The following ZBTB24 variants were observed in gnomAD, a reference collection of about 807,000 sequenced individuals.
The protein encoded by ZBTB24 is zinc finger and BTB domain-containing protein 24.
Under a neutral mutation model 53.8 loss-of-function variants are expected in ZBTB24, and 32 were observed. The ratio of observed to expected loss-of-function variants is 0.60; its 90% CI spans 0.45 to 0.80. The LOEUF is 0.80. Among genes scored for constraint, ZBTB24 ranks in the 30% least tolerant of loss-of-function variants. ZBTB24 has a pLI of 0.00. For synonymous variants in ZBTB24, 297 were observed against 306.7 expected, an observed-to-expected ratio of 0.97 and a Z score of 0.33; for missense variants, 722 against 837.1, an observed-to-expected ratio of 0.86 and a Z score of 1.70.
chr6:109,481,494 A>C lies in ZBTB24; in HGVS notation c.533T>G (p.Leu178Arg). The change falls in exon 2 of 7, where the codon CTG becomes CGG. Residue 178 changes from leucine (L) to arginine (R), a missense_variant. Physicochemically the swap from Leu to Arg is moderately radical, Grantham distance 102 (BLOSUM62 -2). Coordinates refer to ENST00000230122, the MANE Select transcript of ZBTB24 (RefSeq NM_014797.3). ...VNTLQEEKSE[L>R]AAEEEIQLRV... Reference sequence around the variant, plus strand: ...TAACTGTATTTCTTCCTCTGCAGCCAGTTCTGATTTCTCCTCCTGCAATGT... The same window carrying C: ...TAACTGTATTTCTTCCTCTGCAGCCCGTTCTGATTTCTCCTCCTGCAATGT... 4.3e-6 allele frequency: 7 copies of C among 1,614,226 alleles called. No individual in the cohort carries two copies. The highest frequency in any genetic ancestry group is 5.9e-6 in the Non-Finnish European group (7 of 1,180,046).
chr6:109,466,666 A>T lies in ZBTB24; in HGVS notation c.1371-92T>A, dbSNP rs1776050528. 8.6e-6 allele frequency: 13 copies of T among 1,513,744 alleles called. 1 individual carries two copies. The East Asian group carries it at 3.0e-4, about 35-fold the overall frequency. The allele number at this position is 1,513,744 out of a possible 1,614,324, so 93.8% of individuals were successfully genotyped here. On this transcript the variant is annotated intron_variant, in intron 6 of 6. Coordinates refer to ENST00000230122, the MANE Select transcript of ZBTB24 (RefSeq NM_014797.3). ...GGGGAAGCAATCAAGAGTAGTGGAA[A>T]ATTAACTAGACTGCAAGTCATAAGT...
In ZBTB24 at chr6:109,465,655, A is replaced by G. The variant is rs752388058; in HGVS notation, c.*196T>C. The G allele has an allele frequency of 2.6e-6, 4 of 1,566,536 alleles. No individual in the cohort carries two copies. Among genetic ancestry groups the G allele is most frequent in the Non-Finnish European group, 3.4e-6 (4 of 1,162,406 alleles). ...CAATAATATTGAAATGCTCAATACA[A>G]ATCAGTACCTTAGACAAGACATACA... On this transcript the variant is annotated 3_prime_UTR_variant, in exon 7 of 7. Coordinates refer to ENST00000230122, the MANE Select transcript of ZBTB24 (RefSeq NM_014797.3).
chr6:109,471,395 G>C (rs1489956508), intron 5 of ZBTB24, among the ~76,000 whole-genome samples: 1 of 152,174 alleles, frequency 6.6e-6, no homozygotes, highest in African/African-American at 2.4e-5. Flanking sequence ...AGACCCCCAG[G>C]TCTCAACGTT....
intron 2 of ZBTB24, among the ~76,000 whole-genome samples, chr6:109,477,838 C>G (rs549354652): frequency 5.3e-4 from 80 of 152,280 alleles, no homozygotes; most frequent in African/African-American, 1.8e-3. Context: ...AAGCGTCTTC[C>G]AGTGGAACAT....
Position 109,481,772 on chromosome 6 carries a change from G to A in ZBTB24, c.255C>T (p.Asp85=), listed in dbSNP as rs1776422381. The A allele has an allele frequency of 6.2e-7, 1 of 1,613,760 alleles. No individual in the cohort carries two copies. The highest frequency in any genetic ancestry group is 1.3e-5 in the African/African-American group (1 of 74,792). ...TAAATTCCAGCAGGATACCAAAGGT[G>A]TCTGCAACCATGCCTTCCAGCATAT... is the stretch of plus-strand genomic sequence containing the variant. ...SIYMLEGMVA[D]TFGILLEFIY... is the part of the protein sequence containing the mutation. Residue 85 remains aspartate, a synonymous_variant, in exon 2 of 7, where the codon GAC becomes GAT. Coordinates refer to ENST00000230122, the MANE Select transcript of ZBTB24 (RefSeq NM_014797.3).
chr6:109,472,874 C>T lies in ZBTB24; in HGVS notation c.1288+2525G>A, dbSNP rs149469716. Among the ~76,000 whole-genome samples the T allele has an allele frequency of 2.2e-3, 340 of 152,290 alleles. 2 individuals carry two copies. The highest frequency in any genetic ancestry group is 0.01 in the Middle Eastern group (3 of 294). ...TCATGAGCGAATCACATGAATTCTT[C>T]CCTGGACTATCTCCAGAACTGGACC... On this transcript the variant is annotated intron_variant, in intron 5 of 6. Coordinates refer to ENST00000230122, the MANE Select transcript of ZBTB24 (RefSeq NM_014797.3).
chr6:109,471,550 G>C (rs1703671159), intron 5 of ZBTB24, among the ~76,000 whole-genome samples: 1 of 152,162 alleles, frequency 6.6e-6, no homozygotes, highest in African/African-American at 2.4e-5. Flanking sequence ...GAACCCTCAG[G>C]GCAGAATCAG....
At position 109,476,599 on chromosome 6, in the gene ZBTB24, G is replaced by A. The variant is rs542499792; in HGVS notation, c.1120+164C>T. Among the ~76,000 whole-genome samples the A allele has an allele frequency of 3.9e-5, 6 of 152,348 alleles. No individual in the cohort carries two copies. In the South Asian group the frequency reaches 6.2e-4, roughly 16 times the overall value. Reference sequence around the variant, plus strand: ...TTTATAAGCTCTAGTTTAATGATCCGTGCAGAACTCTAAACTGCACTCAGA... The same window carrying A: ...TTTATAAGCTCTAGTTTAATGATCCATGCAGAACTCTAAACTGCACTCAGA... On this transcript the variant is annotated intron_variant, in intron 3 of 6. Transcript: ENST00000230122.
At chr6:109,471,481 A>T (rs1479946690) in intron 5 of ZBTB24, among the ~76,000 whole-genome samples, 3 of 152,336 alleles carry the variant, frequency 2.0e-5, no homozygotes, top group Non-Finnish European at 4.4e-5. Context: ...TGTGAACAGA[A>T]CTGTGACTTA....
At chr6:109,475,373 G>C (rs375469088) in intron 5 of ZBTB24, 26 bp downstream of exon 5, 2 of 1,613,316 alleles carry the variant, frequency 1.2e-6, no homozygotes, top group Non-Finnish European at 1.7e-6. Flanking sequence ...CCGTGTACTG[G>C]GGGGACAGAC....
In ZBTB24 at chr6:109,466,223, G is replaced by C. The variant is rs1296313568; in HGVS notation, c.1722C>G (p.Ser574Arg). 3.7e-6 allele frequency: 6 copies of C among 1,614,108 alleles called. No individual in the cohort carries two copies. The highest frequency in any genetic ancestry group is 1.3e-5 in the African/African-American group (1 of 74,926). ...NFMPGPSQGI[S>R]IVTAESSQNM... is the part of the protein sequence containing the mutation. ...TTTGGGAACTCTCTGCAGTCACAAT[G>C]CTGATTCCCTGGCTAGGACCGGGCA... Residue 574 changes from serine to arginine, a missense_variant, in exon 7 of 7, where the codon AGC (serine) becomes AGG (arginine). Coordinates refer to ENST00000230122, the MANE Select transcript of ZBTB24 (RefSeq NM_014797.3).
intron 5 of ZBTB24, among the ~76,000 whole-genome samples, chr6:109,473,041 G>A (rs898741760): frequency 2.0e-5 from 3 of 152,090 alleles, no homozygotes; most frequent in Non-Finnish European, 4.4e-5. Context: ...CCTAAGTCAT[G>A]CCATGTCACT....
Position 109,476,852 on chromosome 6 carries a change from T to C in ZBTB24, c.1031A>G (p.His344Arg). ...KHSLQVHTRMHTGERPYTCTV... is the reference protein window; with the variant it reads ...KHSLQVHTRMRTGERPYTCTV... ...GCAGGTGTACGGCCGCTCGCCTGTGTGCATCCTGGTGTGGACCTGTAGCGA... is the reference window on the plus strand; with the variant it reads ...GCAGGTGTACGGCCGCTCGCCTGTGCGCATCCTGGTGTGGACCTGTAGCGA... Residue 344 changes from histidine to arginine, a missense_variant, in exon 3 of 7, where the codon CAC (histidine) becomes CGC (arginine). His to Arg is a conservative substitution (Grantham distance 29, BLOSUM62 0). Transcript: ENST00000230122. 1 of 1,614,198 alleles carries C rather than the reference T, an allele frequency of 6.2e-7. No homozygotes were observed. The highest frequency in any genetic ancestry group is 2.2e-5 in the East Asian group (1 of 44,882).
intron 5 of ZBTB24, among the ~76,000 whole-genome samples, chr6:109,473,666 T>C (rs1055426356): frequency 2.0e-5 from 3 of 152,252 alleles, no homozygotes; most frequent in African/African-American, 4.8e-5. Context: ...GTCCATCTCA[T>C]TCACTGCTGT....
chr6:109,475,212 A>G (rs1018534554), intron 5 of ZBTB24, among the ~76,000 whole-genome samples, 187 bp downstream of exon 5: 2 of 152,102 alleles, frequency 1.3e-5, no homozygotes, highest in Admixed American at 6.6e-5. Context: ...AAGAGATGTG[A>G]TTTCCCCAAA....
chr6:109,472,500 C>G (rs1324469143), intron 5 of ZBTB24, among the ~76,000 whole-genome samples: 1 of 152,164 alleles, frequency 6.6e-6, no homozygotes, highest in East Asian at 1.9e-4. Context: ...CCTCACTCCC[C>G]CTTATGCTCA....
chr6:109,479,072 TAA>T (rs1776340886), intron 2 of ZBTB24, among the ~76,000 whole-genome samples: 1 of 151,498 alleles, frequency 6.6e-6, no homozygotes, highest in Non-Finnish European at 1.5e-5. Context: ...TAAGAGAAAA[TAA>T]AGTTAGAGAG....
In ZBTB24 at chr6:109,462,981, CTCAAG is replaced by C. The variant is rs1401158995; in HGVS notation, c.*2865_*2869del. 6.6e-6 allele frequency: 1 copy of C among 152,156 alleles called. No individual in the cohort carries two copies. Among genetic ancestry groups the C allele is most frequent in the African/African-American group, 2.4e-5 (1 of 41,424 alleles). The allele number at this position is 152,156 out of a possible 1,614,324, so 9.4% of individuals were successfully genotyped here. ...ATGTTCACGACATTTCTTTTGGGTA[CTCAAG>C]TCATTTAACTTTTTTTTTTGAGACG... On this transcript the variant is annotated 3_prime_UTR_variant, in exon 7 of 7. Transcript: ENST00000230122.
At position 109,465,534 on chromosome 6, in the gene ZBTB24, G is replaced by T; in HGVS notation, c.*317C>A. ...TGGCAAGACCATAACCTATGGCTGT[G>T]AACATTTAAACCTTACAGAAAAACT... On this transcript the variant is annotated 3_prime_UTR_variant, in exon 7 of 7. Coordinates refer to ENST00000230122, the MANE Select transcript of ZBTB24 (RefSeq NM_014797.3). The T allele has an allele frequency of 9.8e-7, 1 of 1,022,272 alleles. No individual in the cohort carries two copies. The highest frequency in any genetic ancestry group is 1.6e-5 in the African/African-American group (1 of 61,866). The allele number at this position is 1,022,272 out of a possible 1,614,324, so 63.3% of individuals were successfully genotyped here.
Sources: gnomAD v4.1 joint callset for allele counts (sites outside exome capture counted in the v4.1 genomes callset) on GRCh38, gnomAD v4.1.1 for gene constraint, MANE v1.5 for transcripts, NCBI Gene and HGNC (gene_info 2026-07-23, HGNC 2026-07-21) for gene names.